VWC2: variants seen among roughly 807,000 people sequenced by gnomAD.
The protein encoded by VWC2 is von Willebrand factor C domain containing 2, also known as brorin.
VWC2 carries 14 observed loss-of-function variants against 29.8 expected under a neutral mutation model. The observed-to-expected ratio is 0.47, with a 90% CI of 0.31 to 0.74. The LOEUF (loss-of-function observed/expected upper bound fraction) is 0.74. Ranked by LOEUF, VWC2 falls within the 30% of genes least tolerant of loss-of-function variation. The pLI is 0.05. For missense variants in VWC2, 457 were observed against 459.8 expected (o/e 0.99, Z 0.05); for synonymous variants, 213 against 199.0 (o/e 1.07, Z -0.59).
chr7:49,844,979 G>A (rs1037555507), intron 3 of VWC2, among the ~76,000 whole-genome samples: 1 of 152,244 alleles, frequency 6.6e-6, no homozygotes, highest in African/African-American at 2.4e-5. Flanking sequence ...CACCGCACCC[G>A]GCCGGCAATT....
chr7:49,899,607 A>G (rs1213685445), intron 3 of VWC2, among the ~76,000 whole-genome samples: 1 of 152,052 alleles, frequency 6.6e-6, no homozygotes, highest in Non-Finnish European at 1.5e-5. Context: ...AAATGAGTCA[A>G]TTATTCAAGA....
rs543500732 is a variant in VWC2, at chr7:49,774,311, C to T, written c.-104+198C>T. Among the ~76,000 whole-genome samples the T allele has an allele frequency of 7.2e-5, 11 of 152,234 alleles. No homozygotes were observed. The South Asian group carries it at 2.3e-3, about 32-fold the overall frequency. ...GGCAGGGGGTCAGCAGGGCCGGGCA[C>T]GTCCGGAGCCCTCAGGGAGGAGGGC... is the stretch of plus-strand genomic sequence containing the variant. On this transcript the variant is annotated intron_variant, in intron 1 of 3. Coordinates refer to ENST00000340652, the MANE Select transcript of VWC2 (RefSeq NM_198570.5).
rs1789619677 is a variant in VWC2, at chr7:49,834,813, C to T, written c.826+31973C>T. 2.6e-5 allele frequency among the ~76,000 whole-genome samples: 4 copies of T among 152,126 alleles called. 1 individual carries two copies. The South Asian group carries it at 8.3e-4, about 32-fold the overall frequency. On this transcript the variant is annotated intron_variant, in intron 3 of 3. Transcript: ENST00000340652. The stretch of plus-strand genomic sequence containing the variant: ...TTGGAGTCGTGATCTCACATGGGGA[C>T]AGGAAATTTGGCTGTAAATGCTTGT...
chr7:49,863,414 G>A (rs567279811), intron 3 of VWC2, among the ~76,000 whole-genome samples: 9 of 152,134 alleles, frequency 5.9e-5, no homozygotes, highest in Admixed American at 6.6e-5. Flanking sequence ...TGGCTTTGTT[G>A]ATTCTCTCTC....
At chr7:49,859,673 T>C (rs1011118164) in intron 3 of VWC2, among the ~76,000 whole-genome samples, 3 of 152,248 alleles carry the variant, frequency 2.0e-5, no homozygotes, top group African/African-American at 7.2e-5. Context: ...GCTATAGATT[T>C]ATACTATGTG....
At chr7:49,808,245 G>A (rs940033796) in intron 3 of VWC2, among the ~76,000 whole-genome samples, 1 of 152,082 alleles carries the variant, frequency 6.6e-6, no homozygotes, top group Non-Finnish European at 1.5e-5. Flanking sequence ...AATTAAACAT[G>A]GCACATGAAA....
chr7:49,816,016 C>A (rs537584543), intron 3 of VWC2, among the ~76,000 whole-genome samples: 11 of 152,106 alleles, frequency 7.2e-5, no homozygotes, highest in African/African-American at 1.9e-4. Flanking sequence ...GGGAGTGGGT[C>A]ATGGAATGGG....
chr7:49,896,624 C>T (rs1792395343), intron 3 of VWC2, among the ~76,000 whole-genome samples: 1 of 151,552 alleles, frequency 6.6e-6, no homozygotes, highest in East Asian at 1.9e-4. Flanking sequence ...TTGAAAAGAT[C>T]AACAATTAAA....
chr7:49,813,245 G>A (rs1432942170), intron 3 of VWC2, among the ~76,000 whole-genome samples: 1 of 152,202 alleles, frequency 6.6e-6, no homozygotes, highest in Non-Finnish European at 1.5e-5. Flanking sequence ...TGCAGGCACT[G>A]CATACTGCTA....
At chr7:49,884,099 C>T (rs543905) in intron 3 of VWC2, among the ~76,000 whole-genome samples, 9,049 of 152,280 alleles carry the variant, frequency 0.059, 780 homozygotes, top group African/African-American at 0.18. Flanking sequence ...AGCTGCAAAC[C>T]TGTCAGGCTG....
At chr7:49,795,999 G>C (rs761293852) in intron 2 of VWC2, among the ~76,000 whole-genome samples, 8 of 152,228 alleles carry the variant, frequency 5.3e-5, no homozygotes, top group Admixed American at 1.3e-4. Flanking sequence ...AGGCAGATAG[G>C]GGGTAGGGGC....
chr7:49,838,900 T>G (rs1266575149), intron 3 of VWC2, among the ~76,000 whole-genome samples: 1 of 152,150 alleles, frequency 6.6e-6, no homozygotes, highest in African/African-American at 2.4e-5. Context: ...TGCTAGGAAC[T>G]GAATTGTGTC....
intron 3 of VWC2, among the ~76,000 whole-genome samples, chr7:49,810,365 C>T (rs555300892): frequency 1.3e-5 from 2 of 152,018 alleles, no homozygotes; most frequent in East Asian, 1.9e-4. Context: ...CTAAAAGCTG[C>T]AAAATATTGC....
chr7:49,906,352 T>G (rs974933817), intron 3 of VWC2, among the ~76,000 whole-genome samples: 2 of 152,192 alleles, frequency 1.3e-5, no homozygotes, highest in African/African-American at 2.4e-5. Flanking sequence ...TCTTTTTTTT[T>G]GAGACAGAGT....
At chr7:49,804,041 A>G (rs1788810721) in intron 3 of VWC2, among the ~76,000 whole-genome samples, 1 of 152,192 alleles carries the variant, frequency 6.6e-6, no homozygotes, top group South Asian at 2.1e-4. Context: ...TGTTAAAACA[A>G]AGATGTCACA....
Position 49,775,653 on chromosome 7 carries a change from G to C in VWC2, c.218G>C (p.Gly73Ala), listed in dbSNP as rs1013667086. Residue 73 changes from glycine (G) to alanine (A), a missense_variant, in exon 2 of 4, where the codon GGC becomes GCC. By Grantham distance (60) the Gly-to-Ala change is moderately conservative. Transcript: ENST00000340652. Reference sequence around the variant, plus strand: ...CCGGCGAGGGACGAGGGCGGCAGCGGCCGGGACTGGAAGAGCAAGAGCGGC... The same window carrying C: ...CCGGCGAGGGACGAGGGCGGCAGCGCCCGGGACTGGAAGAGCAAGAGCGGC... Reference protein sequence around the residue: ...GRPARDEGGSGRDWKSKSGRG... With the variant: ...GRPARDEGGSARDWKSKSGRG... 2.0e-5 allele frequency: 30 copies of C among 1,527,362 alleles called. No individual in the cohort carries two copies. The highest frequency in any genetic ancestry group is 2.6e-5 in the Non-Finnish European group (30 of 1,140,464). 94.6% of individuals were successfully genotyped at this position (1,527,362 alleles called of 1,614,324 possible).
intron 3 of VWC2, among the ~76,000 whole-genome samples, chr7:49,808,259 T>C (rs1788921785): frequency 6.6e-6 from 1 of 152,108 alleles, no homozygotes; most frequent in Non-Finnish European, 1.5e-5. Context: ...CATGAAAGAA[T>C]TGTATATCTA....
chr7:49,894,499 C>T (rs985709020), intron 3 of VWC2, among the ~76,000 whole-genome samples: 1 of 152,216 alleles, frequency 6.6e-6, no homozygotes, highest in African/African-American at 2.4e-5. Flanking sequence ...AACATAGTGG[C>T]AATTTATCCA....
chr7:49,851,342 T>A lies in VWC2; in HGVS notation c.826+48502T>A, dbSNP rs888853787. On this transcript the variant is annotated intron_variant, in intron 3 of 3. Coordinates refer to ENST00000340652, the MANE Select transcript of VWC2 (RefSeq NM_198570.5). ...TTCCAAATAAGGCCTCATTCATGGG[T>A]TCTCAGTGGACAGACATTCTGGGAG... Among the ~76,000 whole-genome samples the A allele has an allele frequency of 3.3e-5, 5 of 152,258 alleles. No homozygotes were observed. In the East Asian group the frequency reaches 7.7e-4, roughly 24 times the overall value.
Sources: gnomAD v4.1 joint callset for allele counts (sites outside exome capture counted in the v4.1 genomes callset) on GRCh38, gnomAD v4.1.1 for gene constraint, MANE v1.5 for transcripts, NCBI Gene and HGNC (gene_info 2026-07-23, HGNC 2026-07-21) for gene names.